The following SCN8A variants were observed in gnomAD, a reference collection of about 807,000 sequenced individuals.
The protein encoded by SCN8A is sodium channel protein type 8 subunit alpha.
Under a neutral mutation model 184.1 loss-of-function variants are expected in SCN8A, and 30 were observed. The ratio of observed to expected loss-of-function variants is 0.16; its 90% CI spans 0.12 to 0.22. SCN8A has a LOEUF of 0.22. SCN8A is among the 10% of genes least tolerant of loss of function. SCN8A has a pLI of 1.00. For synonymous variants in SCN8A, 852 were observed against 907.0 expected, an observed-to-expected ratio of 0.94 and a Z score of 1.09; for missense variants, 1,057 against 2,498.9, an observed-to-expected ratio of 0.42 and a Z score of 12.30.
At chr12:51,764,506 A>G (rs1261526929) in intron 15 of SCN8A, among the ~76,000 whole-genome samples, 2 of 152,048 alleles carry the variant, frequency 1.3e-5, no homozygotes, top group African/African-American at 2.4e-5. Flanking sequence ...ATGGTGGTGC[A>G]CGCCTGTAAT....
chr12:51,775,322 G>A (rs141920689), intron 20 of SCN8A, among the ~76,000 whole-genome samples: 86 of 152,336 alleles, frequency 5.6e-4, no homozygotes, highest in African/African-American at 1.9e-3. Context: ...ATCCAGGATA[G>A]AGCAGCATAG....
intron 1 of SCN8A, among the ~76,000 whole-genome samples, chr12:51,622,751 G>A (rs1346988225): frequency 1.3e-5 from 2 of 151,994 alleles, no homozygotes; most frequent in Non-Finnish European, 2.9e-5. Context: ...TTTGGCAATG[G>A]GTCACCAAGT....
intron 2 of SCN8A, among the ~76,000 whole-genome samples, chr12:51,665,974 A>G (rs1941025443): frequency 6.6e-6 from 1 of 152,150 alleles, no homozygotes; most frequent in Non-Finnish European, 1.5e-5. Flanking sequence ...AGTCAGGAGA[A>G]TCACTTGAAC....
chr12:51,727,753 A>G (rs565293215), intron 12 of SCN8A, among the ~76,000 whole-genome samples: 3 of 152,308 alleles, frequency 2.0e-5, no homozygotes, highest in Admixed American at 2.0e-4. Flanking sequence ...GTTTGAGGTC[A>G]GGAGTTTGAG....
At chr12:51,611,925 A>T (rs1592327599) in intron 1 of SCN8A, among the ~76,000 whole-genome samples, 1 of 152,130 alleles carries the variant, frequency 6.6e-6, no homozygotes, top group African/African-American at 2.4e-5. Flanking sequence ...AAGCTTTATT[A>T]TAGGTTTCTT....
At chr12:51,670,628 T>A (rs1056767887) in intron 2 of SCN8A, among the ~76,000 whole-genome samples, 4 of 152,122 alleles carry the variant, frequency 2.6e-5, no homozygotes, top group Non-Finnish European at 5.9e-5. Flanking sequence ...TACGTGATGA[T>A]AGCTGTGCTT....
At chr12:51,725,684 A>G (rs185678538) in intron 12 of SCN8A, among the ~76,000 whole-genome samples, 1 of 152,326 alleles carries the variant, frequency 6.6e-6, no homozygotes, top group African/African-American at 2.4e-5. Context: ...AGAAAGTGGG[A>G]AAAACAGTCA....
At chr12:51,685,820 T>C (rs1941409921) in intron 3 of SCN8A, among the ~76,000 whole-genome samples, 1 of 152,150 alleles carries the variant, frequency 6.6e-6, no homozygotes, top group South Asian at 2.1e-4. Flanking sequence ...TAGGATCACT[T>C]GAGCCCAGGG....
At chr12:51,770,964 T>TA (rs1032965994) in intron 19 of SCN8A, among the ~76,000 whole-genome samples, 2 of 152,196 alleles carry the variant, frequency 1.3e-5, no homozygotes, top group Non-Finnish European at 2.9e-5. Flanking sequence ...TTCCCTCTCT[T>TA]ACCTAATACC....
At chr12:51,786,964 C>T (rs1938103961) in intron 22 of SCN8A, 138 bp downstream of exon 22, 3 of 842,580 alleles carry the variant, frequency 3.6e-6, no homozygotes, top group Non-Finnish European at 5.4e-6. Context: ...GTATTGTTCC[C>T]CAAACCAGTT....
At chr12:51,593,115 T>C (rs898580370) in intron 1 of SCN8A, among the ~76,000 whole-genome samples, 2 of 152,142 alleles carry the variant, frequency 1.3e-5, no homozygotes, top group Non-Finnish European at 2.9e-5. Context: ...GCATTTTTCT[T>C]TGGAGCTCAT....
chr12:51,780,366 T>G, intron 20 of SCN8A: 1 of 345,996 alleles, frequency 2.9e-6, no homozygotes, highest in Non-Finnish European at 5.5e-6. Flanking sequence ...TTCCAACTTG[T>G]GTGTATGTTC....
chr12:51,754,623 G>A (rs1274595408), intron 14 of SCN8A, among the ~76,000 whole-genome samples: 1 of 152,148 alleles, frequency 6.6e-6, no homozygotes, highest in Non-Finnish European at 1.5e-5. Context: ...ACAAAAGGAT[G>A]CAGTTTTAGG....
At chr12:51,734,379 A>G (rs424239) in intron 12 of SCN8A, among the ~76,000 whole-genome samples, 118,925 of 152,202 alleles carry the variant, frequency 0.78, 48,075 homozygotes, top group East Asian at 0.9. Context: ...CATTAGCATT[A>G]CTTCTATAGA....
Position 51,794,711 on chromosome 12 carries a change from G to A in SCN8A, c.4795+70G>A, listed in dbSNP as rs189055279. On this transcript the variant is annotated intron_variant, in intron 26 of 26. Transcript: ENST00000627620. ...TGATTGTGAGGATGAGATTTCCCAGGAGAGGAATGAATGACACAGGTCTGA... is the reference window on the plus strand; with the variant it reads ...TGATTGTGAGGATGAGATTTCCCAGAAGAGGAATGAATGACACAGGTCTGA... 2.2e-4 allele frequency: 329 copies of A among 1,469,328 alleles called. 1 individual carries two copies. The East Asian group carries it at 7.0e-3, about 31-fold the overall frequency. 91.0% of individuals were successfully genotyped at this position (1,469,328 alleles called of 1,614,324 possible). A position where few individuals can be genotyped will look rare whatever the true frequency, so the allele number is the denominator to read the frequency against.
intron 1 of SCN8A, among the ~76,000 whole-genome samples, chr12:51,607,042 G>C (rs1299860813): frequency 6.6e-6 from 1 of 151,572 alleles, no homozygotes; most frequent in Non-Finnish European, 1.5e-5. Context: ...GGATTACAGG[G>C]GTATGCCACC....
Position 51,608,256 on chromosome 12 carries a change from C to T in SCN8A, c.-55+16897C>T, listed in dbSNP as rs554886847. Among the ~76,000 whole-genome samples, 31 of 152,088 alleles carry T rather than the reference C, an allele frequency of 2.0e-4. No homozygotes were observed. In the East Asian group the frequency reaches 4.8e-3, roughly 24 times the overall value. ...CCATCTCCTGACCTTGTGATCCACC[C>T]GCCTCGGCCTCCGAAAGTGCTGGGA... On this transcript the variant is annotated intron_variant, in intron 1 of 26. Coordinates refer to ENST00000627620, the MANE Select transcript of SCN8A (RefSeq NM_001330260.2).
At chr12:51,707,500 A>T (rs576225411) in intron 11 of SCN8A, among the ~76,000 whole-genome samples, 3 of 152,194 alleles carry the variant, frequency 2.0e-5, no homozygotes, top group East Asian at 1.9e-4. Flanking sequence ...AGGCTAGGCC[A>T]GTCTCGCCTT....
At chr12:51,692,292 G>C (rs901903028) in intron 6 of SCN8A, among the ~76,000 whole-genome samples, 1 of 152,174 alleles carries the variant, frequency 6.6e-6, no homozygotes, top group Non-Finnish European at 1.5e-5. Context: ...AACCTGGGCT[G>C]ATACTGTCCT....
Sources: gnomAD v4.1 joint callset for allele counts (sites outside exome capture counted in the v4.1 genomes callset) on GRCh38, gnomAD v4.1.1 for gene constraint, MANE v1.5 for transcripts, NCBI Gene and HGNC (gene_info 2026-07-23, HGNC 2026-07-21) for gene names.